The following SLC27A6 variants were observed in gnomAD, a reference collection of about 807,000 sequenced individuals.
SLC27A6 encodes the protein solute carrier family 27 member 6, also known as long-chain fatty acid transport protein 6.
SLC27A6 carries 74 observed loss-of-function variants against 63.9 expected under a neutral mutation model. The observed-to-expected ratio is 1.16, with a 90% confidence interval of 0.96 to 1.40. SLC27A6 has a LOEUF of 1.40. SLC27A6 is among the 40% of genes most tolerant of loss of function. The probability of loss-of-function intolerance (pLI) is 0.00; values close to 1 mark genes in which losing one functional copy is unlikely to be tolerated. For missense variants in SLC27A6, 794 were observed against 732.9 expected (o/e 1.08, Z -0.96); for synonymous variants, 287 against 260.8 (o/e 1.10, Z -0.97).
In SLC27A6 at chr5:128,969,112, C is replaced by T. The variant is rs547094405; in HGVS notation, c.481+2494C>T. Among the ~76,000 whole-genome samples the T allele has an allele frequency of 1.4e-3, 210 of 152,220 alleles. 1 individual carries two copies. Among genetic ancestry groups the T allele is most frequent in the Middle Eastern group, 3.4e-3 (1 of 294 alleles). On this transcript the variant is annotated intron_variant, in intron 1 of 9. Coordinates refer to ENST00000262462, the MANE Select transcript of SLC27A6 (RefSeq NM_001017372.3). ...TATTTCTGAGGGCTCTGTTCTGCTC[C>T]GTTGGTCTATATCTCTGTTTTGGTA...
intron 1 of SLC27A6, among the ~76,000 whole-genome samples, chr5:128,971,923 G>A (rs1419172948): frequency 1.3e-5 from 2 of 152,098 alleles, no homozygotes; most frequent in Non-Finnish European, 2.9e-5. Context: ...TCCACATTTA[G>A]TGCTTCCTTT....
chr5:129,027,130 C>T lies in SLC27A6; in HGVS notation c.1256-3C>T, dbSNP rs1482524078. 2 of 1,612,292 alleles carry T rather than the reference C, an allele frequency of 1.2e-6. No homozygotes were observed. The highest frequency in any genetic ancestry group is 1.3e-5 in the African/African-American group (1 of 74,912). ...GCTGCAAAAATGTCGTTCTTTCTTGCAGGAGAACCTGGACTTCTCATTTCT... is the reference window on the plus strand; with the variant it reads ...GCTGCAAAAATGTCGTTCTTTCTTGTAGGAGAACCTGGACTTCTCATTTCT... On this transcript the variant is annotated splice_region_variant and splice_polypyrimidine_tract_variant and intron_variant, in intron 6 of 9. Transcript: ENST00000262462.
intron 9 of SLC27A6, 80 bp from the exon 10 acceptor site, chr5:129,033,026 T>A (rs1752459062): frequency 1.4e-5 from 11 of 778,506 alleles, no homozygotes; most frequent in African/African-American, 1.9e-5. Flanking sequence ...TAATTTAATA[T>A]TACAGTCTAT....
At chr5:128,995,510 C>T (rs770361486) in intron 4 of SLC27A6, among the ~76,000 whole-genome samples, 11 of 152,120 alleles carry the variant, frequency 7.2e-5, no homozygotes, top group South Asian at 4.2e-4. Context: ...AAACAGGGTG[C>T]GGTGATGGAG....
intron 4 of SLC27A6, among the ~76,000 whole-genome samples, chr5:129,005,641 C>G (rs1218890266): frequency 8.9e-6 from 1 of 112,198 alleles, no homozygotes; most frequent in Non-Finnish European, 1.6e-5. Context: ...GAGACAGAGT[C>G]TCGCTCTGTC....
chr5:129,005,855 G>T (rs902987156), intron 4 of SLC27A6, among the ~76,000 whole-genome samples: 1 of 151,270 alleles, frequency 6.6e-6, no homozygotes, highest in Non-Finnish European at 1.5e-5. Context: ...CTCGTGATCC[G>T]CCTGCCTCGG....
At chr5:128,989,654 G>A (rs2150136187) in intron 3 of SLC27A6, among the ~76,000 whole-genome samples, 1 of 152,298 alleles carries the variant, frequency 6.6e-6, no homozygotes, top group Non-Finnish European at 1.5e-5. Context: ...GCCGGGCGCA[G>A]TGGCTCATGC....
intron 6 of SLC27A6, among the ~76,000 whole-genome samples, chr5:129,025,376 C>T (rs990393949): frequency 2.0e-5 from 3 of 151,818 alleles, no homozygotes; most frequent in Non-Finnish European, 4.4e-5. Flanking sequence ...TTGAAAAATT[C>T]TGAAATACAG....
chr5:128,972,092 C>T (rs1259951202), intron 1 of SLC27A6, among the ~76,000 whole-genome samples: 3 of 152,100 alleles, frequency 2.0e-5, no homozygotes, highest in Non-Finnish European at 4.4e-5. Flanking sequence ...ATATTGGCCC[C>T]CATTCTCTTC....
At chr5:129,009,162 A>T (rs1751642646) in intron 4 of SLC27A6, among the ~76,000 whole-genome samples, 1 of 152,120 alleles carries the variant, frequency 6.6e-6, no homozygotes, top group South Asian at 2.1e-4. Flanking sequence ...GCCCAGCCTC[A>T]ATTGAATTTT....
At chr5:128,994,386 G>T (rs1230541496) in intron 4 of SLC27A6, among the ~76,000 whole-genome samples, 1 of 152,112 alleles carries the variant, frequency 6.6e-6, no homozygotes, top group Non-Finnish European at 1.5e-5. Context: ...CACACAAAAT[G>T]AGTACAAGCT....
chr5:129,014,915 T>C (rs960755903), intron 4 of SLC27A6, among the ~76,000 whole-genome samples: 1 of 152,208 alleles, frequency 6.6e-6, no homozygotes, highest in African/African-American at 2.4e-5. Flanking sequence ...AACTCACTTC[T>C]CTCTATTCTT....
intron 5 of SLC27A6, 52 bp from the exon 6 acceptor site, chr5:129,023,568 T>G: frequency 7.6e-7 from 1 of 1,310,952 alleles, no homozygotes; most frequent in Non-Finnish European, 1.1e-6. Flanking sequence ...AGTAACTAAA[T>G]GCACAAGTAA....
intron 1 of SLC27A6, among the ~76,000 whole-genome samples, chr5:128,967,146 G>A (rs562831914): frequency 6.6e-6 from 1 of 152,164 alleles, no homozygotes; most frequent in East Asian, 1.9e-4. Context: ...GCCAGAACGT[G>A]GGCTCTTGGC....
At chr5:128,994,926 A>G (rs1234697789) in intron 4 of SLC27A6, among the ~76,000 whole-genome samples, 4 of 152,206 alleles carry the variant, frequency 2.6e-5, no homozygotes, top group South Asian at 2.1e-4. Flanking sequence ...TTCTTTTGGC[A>G]TAAACGTTAG....
At chr5:128,978,112 G>T (rs1460675436) in intron 1 of SLC27A6, among the ~76,000 whole-genome samples, 1 of 152,108 alleles carries the variant, frequency 6.6e-6, no homozygotes, top group Non-Finnish European at 1.5e-5. Flanking sequence ...AAGTATTTTT[G>T]AGTCTTCAGA....
chr5:128,974,841 G>A (rs918425115), intron 1 of SLC27A6, among the ~76,000 whole-genome samples: 7 of 152,190 alleles, frequency 4.6e-5, no homozygotes, highest in Admixed American at 2.6e-4. Flanking sequence ...TAATTCTGAG[G>A]ATTAAATGAC....
intron 4 of SLC27A6, among the ~76,000 whole-genome samples, chr5:129,009,699 C>G (rs531568215): frequency 8.0e-5 from 12 of 149,250 alleles, no homozygotes; most frequent in Non-Finnish European, 1.5e-4. Context: ...GTGTGTGTGC[C>G]TGTGTCACTC....
chr5:129,028,284 A>T, intron 7 of SLC27A6, 61 bp from the exon 8 acceptor site: 1 of 1,094,586 alleles, frequency 9.1e-7, no homozygotes, highest in Non-Finnish European at 1.4e-6. Context: ...TAAAACTAAA[A>T]CTGGGTACCT....
Sources: allele counts gnomAD v4.1 joint callset (sites outside exome capture counted in the v4.1 genomes callset), GRCh38; gene constraint gnomAD v4.1.1; transcripts MANE v1.5; gene names NCBI Gene and HGNC (gene_info 2026-07-23, HGNC 2026-07-21).